The following NLRP11 variants were observed in gnomAD, a reference collection of about 807,000 sequenced individuals.
NLRP11 encodes NACHT, LRR and PYD domains-containing protein 11.
NLRP11 carries 53 observed loss-of-function variants against 79.3 expected under a neutral mutation model. That is an observed-to-expected ratio of 0.67 (90% CI 0.54 to 0.84). The LOEUF is 0.84. Among genes scored for constraint, NLRP11 ranks in the 40% least tolerant of loss-of-function variants. NLRP11 has a pLI of 0.00. For synonymous variants in NLRP11, 518 were observed against 462.6 expected (o/e 1.12, Z -1.54); for missense variants, 1,264 against 1,255.0 (o/e 1.01, Z -0.11).
At chr19:55,823,232 G>T (rs1981986396) in intron 1 of NLRP11, among the ~76,000 whole-genome samples, 1 of 141,776 alleles carries the variant, frequency 7.1e-6, no homozygotes, top group South Asian at 2.2e-4. Flanking sequence ...CTAACAAACA[G>T]AAAGGACATC....
chr19:55,787,933 C>T (rs570040623), intron 9 of NLRP11, among the ~76,000 whole-genome samples: 98 of 152,298 alleles, frequency 6.4e-4, no homozygotes, highest in Admixed American at 3.7e-3. Flanking sequence ...CTTTCCCAGA[C>T]ATACCTTCAG....
At chr19:55,790,659 C>T (rs1315718467) in intron 7 of NLRP11, among the ~76,000 whole-genome samples, 1 of 152,100 alleles carries the variant, frequency 6.6e-6, no homozygotes, top group Non-Finnish European at 1.5e-5. Context: ...TCCAGAAGAT[C>T]CTATTTTTCA....
At chr19:55,826,727 AAGG>A in intron 1 of NLRP11, among the ~76,000 whole-genome samples, 1 of 69,826 alleles carries the variant, frequency 1.4e-5, no homozygotes, top group South Asian at 5.6e-4. Context: ...GGACCTCTTC[AAGG>A]AGAACTACAA....
chr19:55,805,604 A>G (rs983686881), intron 4 of NLRP11, among the ~76,000 whole-genome samples: 4 of 151,910 alleles, frequency 2.6e-5, no homozygotes, highest in African/African-American at 7.3e-5. Flanking sequence ...CAGTGCCACA[A>G]TCTCAGCTCA....
chr19:55,801,408 A>G (rs186840466), intron 5 of NLRP11, among the ~76,000 whole-genome samples, 164 bp downstream of exon 5: 3 of 152,336 alleles, frequency 2.0e-5, no homozygotes, highest in Middle Eastern at 3.4e-3. Flanking sequence ...ATCAAAAGGC[A>G]GGAATAATGT....
At chr19:55,836,124 A>G (rs1983251294), upstream of NLRP11, among the ~76,000 whole-genome samples, 1 of 152,210 alleles carries the variant, frequency 6.6e-6, no homozygotes, top group Admixed American at 6.5e-5. Flanking sequence ...ACCGTATCTA[A>G]TAATAATTAA....
chr19:55,821,147 C>T (rs1981655570), intron 1 of NLRP11, among the ~76,000 whole-genome samples: 1 of 150,724 alleles, frequency 6.6e-6, no homozygotes, highest in Non-Finnish European at 1.5e-5. Context: ...CTGTTTAATG[C>T]ATATTTTGGA....
At chr19:55,835,935 CCAACATGG>C (rs1446319646), upstream of NLRP11, among the ~76,000 whole-genome samples, 1 of 152,226 alleles carries the variant, frequency 6.6e-6, no homozygotes. Flanking sequence ...ACCAGCCTGG[CCAACATGG>C]CGAAAGCCCG....
chr19:55,807,973 A>G (rs1199522576), exon 4 of NLRP11: 1 of 1,612,586 alleles, frequency 6.2e-7, no homozygotes, highest in Admixed American at 1.7e-5. Flanking sequence ...TGTATAAAAA[A>G]GAGAGCAGAT....
At chr19:55,822,043 G>A (rs1981792905) in intron 1 of NLRP11, among the ~76,000 whole-genome samples, 1 of 152,198 alleles carries the variant, frequency 6.6e-6, no homozygotes, top group Admixed American at 6.5e-5. Flanking sequence ...TGGATCACCT[G>A]AGGTCAGGAG....
intron 9 of NLRP11, among the ~76,000 whole-genome samples, chr19:55,786,896 C>T (rs1375950238): frequency 6.6e-6 from 1 of 152,110 alleles, no homozygotes; most frequent in Non-Finnish European, 1.5e-5. Context: ...ATGGGTTTTT[C>T]TATGCATCTG....
At chr19:55,817,555 T>TAA (rs1384685540) in intron 2 of NLRP11, among the ~76,000 whole-genome samples, 1 of 152,152 alleles carries the variant, frequency 6.6e-6, no homozygotes, top group Non-Finnish European at 1.5e-5. Flanking sequence ...ACCATTATTC[T>TAA]AAGTGAAGTA....
At chr19:55,789,137 C>T (rs895984755) in intron 8 of NLRP11, 92 bp downstream of exon 8, 34 of 1,412,886 alleles carry the variant, frequency 2.4e-5, no homozygotes, top group African/African-American at 1.4e-4. Context: ...CTATTATGTC[C>T]GAGGTATTGT....
At chr19:55,829,199 C>T (rs1600207405) in intron 1 of NLRP11, among the ~76,000 whole-genome samples, 1 of 112,128 alleles carries the variant, frequency 8.9e-6, no homozygotes, top group South Asian at 2.5e-4. Context: ...CACAATATTG[C>T]ATTTTTTTTT....
At chr19:55,836,287 TG>T (rs1483003469), upstream of NLRP11, 1 of 152,126 alleles carries the variant, frequency 6.6e-6, no homozygotes, top group African/African-American at 2.4e-5. Context: ...TTGGAGAGAC[TG>T]GAGGAGCATC....
chr19:55,788,055 G>A (rs952950809), intron 9 of NLRP11, among the ~76,000 whole-genome samples: 2 of 152,216 alleles, frequency 1.3e-5, no homozygotes, highest in Non-Finnish European at 2.9e-5. Context: ...GTAAGATAGT[G>A]TGTCATTGAA....
At chr19:55,794,357 A>G (rs905874932) in intron 6 of NLRP11, among the ~76,000 whole-genome samples, 3 of 152,294 alleles carry the variant, frequency 2.0e-5, no homozygotes, top group African/African-American at 7.2e-5. Context: ...TATTGAACCA[A>G]TGGTCTGTCC....
chr19:55,801,486 T>TA, intron 5 of NLRP11, 86 bp downstream of exon 5: 1 of 995,268 alleles, frequency 1.0e-6, no homozygotes, highest in South Asian at 1.5e-5. Flanking sequence ...TAGGAGCAGG[T>TA]AGTGTTATTG....
chr19:55,810,232 T>A (rs759811374), exon 3 of NLRP11: 4 of 1,614,124 alleles, frequency 2.5e-6, no homozygotes. Context: ...AGAACACATC[T>A]GACGAAACGT....
Sources: gnomAD v4.1 joint callset for allele counts (sites outside exome capture counted in the v4.1 genomes callset) on GRCh38, gnomAD v4.1.1 for gene constraint, MANE v1.5 for transcripts, NCBI Gene and HGNC (gene_info 2026-07-23, HGNC 2026-07-21) for gene names.